FXYD1: variants seen among roughly 807,000 people sequenced by gnomAD.
The protein encoded by FXYD1 is phospholemman.
In FXYD1, 9 loss-of-function variants were observed where a neutral mutation model predicts 17.2. The ratio of observed to expected loss-of-function variants is 0.52; its 90% CI spans 0.32 to 0.91. The LOEUF (loss-of-function observed/expected upper bound fraction) is 0.91. Among genes scored for constraint, FXYD1 ranks in the 40% least tolerant of loss-of-function variants. The pLI is 0.04. For missense variants in FXYD1, 113 were observed against 120.6 expected, an observed-to-expected ratio of 0.94 and a Z score of 0.29; for synonymous variants, 55 against 45.8, an observed-to-expected ratio of 1.20 and a Z score of -0.81.
At chr19:35,142,322 C>T (rs2065264170) in intron 5 of FXYD1, 150 bp from the exon 6 acceptor site, 2 of 652,916 alleles carry the variant, frequency 3.1e-6, no homozygotes, top group South Asian at 3.9e-5. Flanking sequence ...CCTGGGTGCT[C>T]CTCATTTCTG....
rs538788265 is a variant in FXYD1 at position 35,139,874 on chromosome 19, A to T, written c.-4-202A>T. The T allele has an allele frequency of 1.2e-4, 69 of 565,090 alleles. 1 individual carries two copies. The South Asian group carries it at 1.3e-3, about 11-fold the overall frequency. 35.0% of individuals were successfully genotyped at this position (565,090 alleles called of 1,614,324 possible). ...CCCTGCTACGTTGTGTTGTTGTGTG[A>T]TCCCATCGTGGAGGTTGTTTTGGTG... On this transcript the variant is annotated intron_variant, in intron 1 of 7. Transcript: ENST00000351325.
At position 35,140,117 on chromosome 19, in the gene FXYD1, G is replaced by T. The variant is rs375402741; in HGVS notation, c.38G>T (p.Gly13Val). 2 of 1,601,030 alleles carry T rather than the reference G, an allele frequency of 1.2e-6. No homozygotes were observed. The highest frequency in any genetic ancestry group is 1.7e-6 in the Non-Finnish European group (2 of 1,168,220). Residue 13 changes from glycine (G) to valine (V), a missense_variant, in exon 2 of 8, where the codon GGT (glycine) becomes GTT (valine). By Grantham distance (109) the Gly-to-Val change is moderately radical (BLOSUM62 -3). Transcript: ENST00000351325. ...SLGHILVFCV[G>V]LLTMAKAESP... ...GGCCACATCTTGGTTTTCTGTGTGG[G>T]TCTCCTCACCATGGCCAAGGCAGGT...
At position 35,141,622 on chromosome 19, in the gene FXYD1, G is replaced by A. The variant is rs200969522; in HGVS notation, c.206+50G>A. On this transcript the variant is annotated intron_variant, in intron 5 of 7. Coordinates refer to ENST00000351325, the MANE Select transcript of FXYD1 (RefSeq NM_021902.4). Reference sequence around the variant, plus strand: ...TTCGCCCGCTCCTGCTCTGGAGGGCGCCGCGGGTGAGGCGGGGAGTACCCC... The same window carrying A: ...TTCGCCCGCTCCTGCTCTGGAGGGCACCGCGGGTGAGGCGGGGAGTACCCC... The A allele has an allele frequency of 4.0e-5, 61 of 1,517,824 alleles. No individual in the cohort carries two copies. In the Admixed American group the frequency reaches 1.0e-3, roughly 26 times the overall value. 94.0% of individuals were successfully genotyped at this position (1,517,824 alleles called of 1,614,324 possible).
In FXYD1 at chr19:35,140,460, C is replaced by T. The variant is rs2065241195; in HGVS notation, c.62-137C>T. 8 of 782,520 alleles carry T rather than the reference C, an allele frequency of 1.0e-5. No individual in the cohort carries two copies. In the South Asian group the frequency reaches 1.2e-4, roughly 12 times the overall value. 48.5% of individuals were successfully genotyped at this position (782,520 alleles called of 1,614,324 possible). On this transcript the variant is annotated intron_variant, in intron 2 of 7. Transcript: ENST00000351325. ...GACAGTGCAGAGGGGGCAGCTGGGA[C>T]CCAGAGAGTGTGGGCAGCCTGCCCA...
chr19:35,137,380 T>C (rs1485242850), upstream of FXYD1, among the ~76,000 whole-genome samples: 3 of 152,234 alleles, frequency 2.0e-5, no homozygotes, highest in Non-Finnish European at 2.9e-5. Context: ...CATGCAAGTG[T>C]GTCAGCCTGC....
chr19:35,142,348 G>C, intron 5 of FXYD1, 124 bp from the exon 6 acceptor site: 1 of 730,316 alleles, frequency 1.4e-6, no homozygotes. Flanking sequence ...CCCCGAGCCT[G>C]CTCTTCGTCC....
chr19:35,142,583 C>G lies in FXYD1; in HGVS notation c.256+62C>G, dbSNP rs2065267055. On this transcript the variant is annotated intron_variant, in intron 6 of 7. Transcript: ENST00000351325. ...GGCTGGTTCCAAGGACCGCTTTTCC[C>G]GGCCCTCCCTGGCTGCGTAGAGGGA... The G allele has an allele frequency of 5.8e-6, 9 of 1,563,432 alleles. No individual in the cohort carries two copies. The Admixed American group carries it at 1.5e-4, about 26-fold the overall frequency.
Position 35,140,071 on chromosome 19 carries a change from C to G in FXYD1, c.-4-5C>G. 1.2e-6 allele frequency: 2 copies of G among 1,612,710 alleles called. No individual in the cohort carries two copies. The highest frequency in any genetic ancestry group is 1.7e-6 in the Non-Finnish European group (2 of 1,178,716). Reference sequence around the variant, plus strand: ...ACACTGCCTAATCCGTGGTGTCCCCCCCAGGACAATGGCGTCTCTTGGCCA... The same window carrying G: ...ACACTGCCTAATCCGTGGTGTCCCCGCCAGGACAATGGCGTCTCTTGGCCA... On this transcript the variant is annotated splice_polypyrimidine_tract_variant and splice_region_variant and intron_variant, in intron 1 of 7. Coordinates refer to ENST00000351325, the MANE Select transcript of FXYD1 (RefSeq NM_021902.4).
At chr19:35,137,191 G>T (rs971223386), upstream of FXYD1, among the ~76,000 whole-genome samples, 3 of 152,218 alleles carry the variant, frequency 2.0e-5, no homozygotes, top group Non-Finnish European at 4.4e-5. Context: ...ATGAGGCACA[G>T]AGCTGCTCAA....
At position 35,141,590 on chromosome 19, in the gene FXYD1, G is replaced by A. The variant is rs766136211; in HGVS notation, c.206+18G>A. ...CAGCAGAGGTAAGACGCCCCTCCCC[G>A]CCCTCCTTCGCCCGCTCCTGCTCTG... On this transcript the variant is annotated intron_variant, in intron 5 of 7. Transcript: ENST00000351325. 3 of 1,599,778 alleles carry A rather than the reference G, an allele frequency of 1.9e-6. No homozygotes were observed. In the South Asian group the frequency reaches 3.3e-5, roughly 18 times the overall value.
At chr19:35,140,231 T>A (rs1173926689) in intron 2 of FXYD1, 91 bp downstream of exon 2, 3 of 794,680 alleles carry the variant, frequency 3.8e-6, no homozygotes, top group African/African-American at 3.4e-5. Flanking sequence ...CAACCTAGAC[T>A]AAGTCGGCTG....
At chr19:35,139,875 T>C in intron 1 of FXYD1, 1 of 567,376 alleles carries the variant, frequency 1.8e-6, no homozygotes, top group Non-Finnish European at 3.2e-6. Context: ...TGTTGTGTGA[T>C]CCCATCGTGG....
Position 35,141,591 on chromosome 19 carries a change from C to T in FXYD1, c.206+19C>T. 6.2e-7 allele frequency: 1 copy of T among 1,600,918 alleles called. No individual in the cohort carries two copies. Among genetic ancestry groups the T allele is most frequent in the Non-Finnish European group, 8.5e-7 (1 of 1,172,060 alleles). Reference sequence around the variant, plus strand: ...AGCAGAGGTAAGACGCCCCTCCCCGCCCTCCTTCGCCCGCTCCTGCTCTGG... The same window carrying T: ...AGCAGAGGTAAGACGCCCCTCCCCGTCCTCCTTCGCCCGCTCCTGCTCTGG... On this transcript the variant is annotated intron_variant, in intron 5 of 7. Coordinates refer to ENST00000351325, the MANE Select transcript of FXYD1 (RefSeq NM_021902.4).
At chr19:35,142,253 T>G in intron 5 of FXYD1, 10 of 434,866 alleles carry the variant, frequency 2.3e-5, no homozygotes, top group East Asian at 8.0e-5. Context: ...TGCCCCCAAA[T>G]CCGCGGAGGT....
At chr19:35,141,398 TC>T (rs1310193610) in intron 4 of FXYD1, 137 bp from the exon 5 acceptor site, 4 of 683,876 alleles carry the variant, frequency 5.8e-6, no homozygotes, top group Non-Finnish European at 5.1e-6. Context: ...CTGCCTTGGT[TC>T]CCCGGCCCCC....
intron 7 of FXYD1, 68 bp downstream of exon 7, chr19:35,142,839 C>A: frequency 8.0e-7 from 1 of 1,244,442 alleles, no homozygotes; most frequent in Non-Finnish European, 1.2e-6. Context: ...AGGGAGGGGG[C>A]CAAGTGCCAG....
chr19:35,141,073 C>A (rs987758754), intron 3 of FXYD1, 59 bp from the exon 4 acceptor site: 12 of 1,041,514 alleles, frequency 1.2e-5, no homozygotes, highest in Admixed American at 1.7e-5. Flanking sequence ...CAATTTACCC[C>A]TCTCCTATTC....
rs1334159123 is a variant in FXYD1 at position 35,143,056 on chromosome 19, CTT to C, written c.*171_*172del. ...AAAACGTGCGTTCCTCTCGACAGCA[CTT>C]TGTCGGTCTCGGTCCCTCAGCGCGA... On this transcript the variant is annotated 3_prime_UTR_variant, in exon 8 of 8. Coordinates refer to ENST00000351325, the MANE Select transcript of FXYD1 (RefSeq NM_021902.4). The surrounding 1 kb of genome is among the most constrained non-coding windows in gnomAD (Gnocchi z 4.3). 1 of 557,472 alleles carries C rather than the reference CTT, an allele frequency of 1.8e-6. No individual in the cohort carries two copies. Among genetic ancestry groups the C allele is most frequent in the Non-Finnish European group, 3.2e-6 (1 of 316,758 alleles). The allele number at this position is 557,472 out of a possible 1,614,324, so 34.5% of individuals were successfully genotyped here.
At chr19:35,141,003 C>T in intron 3 of FXYD1, 129 bp from the exon 4 acceptor site, 2 of 659,442 alleles carry the variant, frequency 3.0e-6, no homozygotes, top group Non-Finnish European at 5.5e-6. Context: ...TCTGCTCCCC[C>T]TTAATTATCT....
Sources: gnomAD v4.1 joint callset for allele counts (sites outside exome capture counted in the v4.1 genomes callset) on GRCh38, gnomAD v4.1.1 for gene constraint, Gnocchi (gnomAD v3.1) non-coding constraint, MANE v1.5 for transcripts, NCBI Gene and HGNC (gene_info 2026-07-23, HGNC 2026-07-21) for gene names.